Variants in DAG1 observed in about 807,000 individuals in gnomAD.
DAG1 encodes dystroglycan 1 (dystrophin-associated glycoprotein 1).
Under a neutral mutation model 46.1 loss-of-function variants are expected in DAG1, and 8 were observed. The ratio of observed to expected loss-of-function variants is 0.17; its 90% CI spans 0.10 to 0.31. The LOEUF (loss-of-function observed/expected upper bound fraction) is 0.31, where lower values mean the gene tolerates loss of function less well. Among genes scored for constraint, DAG1 ranks in the 10% least tolerant of loss-of-function variants. DAG1 has a pLI of 1.00. For synonymous variants in DAG1, 495 were observed against 481.8 expected (o/e 1.03, Z -0.36); for missense variants, 1,003 against 1,189.9 (o/e 0.84, Z 2.31).
At position 49,472,621 on chromosome 3, in the gene DAG1, C is replaced by T. The variant is rs948612435; in HGVS notation, c.-117+2188C>T. Among the ~76,000 whole-genome samples, 6 of 152,126 alleles carry T rather than the reference C, an allele frequency of 3.9e-5. No homozygotes were observed. The South Asian group carries it at 1.2e-3, about 32-fold the overall frequency. ...AGGAGATCGAGATCATCCTGGCTAA[C>T]ACGGTGAAACCCCCTCTCTACTAAA... is the stretch of plus-strand genomic sequence containing the variant. On this transcript the variant is annotated intron_variant, in intron 1 of 2. Transcript: ENST00000308775.
chr3:49,526,884 TATTAAC>T (rs1410451658), intron 2 of DAG1, among the ~76,000 whole-genome samples: 5 of 88,940 alleles, frequency 5.6e-5, no homozygotes, highest in Non-Finnish European at 1.1e-4. Flanking sequence ...TGTTACATAA[TATTAAC>T]ATGTTTTTAA....
At chr3:49,486,718 G>A (rs1377852107) in intron 1 of DAG1, among the ~76,000 whole-genome samples, 3 of 151,766 alleles carry the variant, frequency 2.0e-5, no homozygotes, top group Non-Finnish European at 4.4e-5. Context: ...GGCCAGGCTG[G>A]TCTCGAACTC....
At chr3:49,499,682 G>C (rs1400932462) in intron 1 of DAG1, among the ~76,000 whole-genome samples, 3 of 152,120 alleles carry the variant, frequency 2.0e-5, no homozygotes, top group Non-Finnish European at 4.4e-5. Context: ...CTCCTCATGG[G>C]CATCTCCCCT....
At chr3:49,478,438 T>A (rs9852473) in intron 1 of DAG1, among the ~76,000 whole-genome samples, 88,256 of 118,272 alleles carry the variant, frequency 0.75, 31,891 homozygotes, top group East Asian at 0.99. Flanking sequence ...CTACAAAAAA[T>A]AAAAAAAAAA....
chr3:49,532,672 G>A lies in DAG1; in HGVS notation c.2161G>A (p.Val721Met), dbSNP rs779632206. Residue 721 changes from valine to methionine, a missense_variant, in exon 3 of 3, where the codon GTG (valine) becomes ATG (methionine). Around this residue, in one of 3 missense-constraint regions of DAG1, gnomAD observed 755 missense variants for 854.1 expected, o/e 0.88. Transcript: ENST00000308775. The surrounding 1 kb of genome is among the most constrained non-coding windows in gnomAD (Gnocchi z 5.4). ...TTGTCGGCACCTACAGTTTATCCCTGTGGTACCACCCAGGAGAGTGCCCTC... is the reference window on the plus strand; with the variant it reads ...TTGTCGGCACCTACAGTTTATCCCTATGGTACCACCCAGGAGAGTGCCCTC... ...GSCRHLQFIP[V>M]VPPRRVPSEA... 19 of 1,614,168 alleles carry A rather than the reference G, an allele frequency of 1.2e-5. No individual in the cohort carries two copies. Among genetic ancestry groups the A allele is most frequent in the Non-Finnish European group, 1.6e-5 (19 of 1,180,036 alleles).
At chr3:49,497,337 T>C (rs528795869) in intron 1 of DAG1, among the ~76,000 whole-genome samples, 1 of 150,642 alleles carries the variant, frequency 6.6e-6, no homozygotes, top group Admixed American at 6.7e-5. Context: ...CTGGAGAGGT[T>C]GAGGCGAGAG....
rs201202889 is a variant in DAG1, at chr3:49,478,802, C to CTTTTTTTTTTTTTT, written c.-117+8384_-117+8397dup. On this transcript the variant is annotated intron_variant, in intron 1 of 2. Transcript: ENST00000308775. ...TGAAAAGTCTCTTGTCGTCCCCTCC[C>CTTTTTTTTTTTTTT]TTTTTTTTTTTTTTTTTTTTTTTTT... Among the ~76,000 whole-genome samples, 43 of 76,010 alleles carry CTTTTTTTTTTTTTT rather than the reference C, an allele frequency of 5.7e-4. 3 individuals carry two copies. The highest frequency in any genetic ancestry group is 9.5e-4 in the South Asian group (2 of 2,096). The allele number at this position is 76,010 out of a possible 152,430, so 49.9% of individuals were successfully genotyped here.
At position 49,532,936 on chromosome 3, in the gene DAG1, C is replaced by T; in HGVS notation, c.2425C>T (p.Pro809Ser). The T allele has an allele frequency of 6.2e-7, 1 of 1,614,082 alleles. No individual in the cohort carries two copies. The highest frequency in any genetic ancestry group is 2.2e-5 in the East Asian group (1 of 44,870). ...IFADELDDSKPPPSSSMPLIL... is the reference protein window; with the variant it reads ...IFADELDDSKSPPSSSMPLIL... ...TGCAGACGAACTGGACGACTCCAAG[C>T]CCCCACCCTCCTCCAGCATGCCACT... The change falls in exon 3 of 3, where the codon CCC becomes TCC. Residue 809 changes from proline to serine, a missense_variant. Pro to Ser is a moderately conservative substitution (Grantham distance 74). This residue lies in a region of DAG1 where 755 missense variants were observed against 854.1 expected (regional missense o/e 0.88). Transcript: ENST00000308775. This position sits in a 1 kb window ranked among gnomAD's most constrained non-coding sequence, Gnocchi z 5.4.
chr3:49,528,750 G>C (rs1433753317), intron 2 of DAG1, among the ~76,000 whole-genome samples: 1 of 152,070 alleles, frequency 6.6e-6, no homozygotes, highest in African/African-American at 2.4e-5. Context: ...ACATCTTAGA[G>C]TTGATGCAAT....
intron 1 of DAG1, chr3:49,488,777 T>G (rs768736034): frequency 6.6e-6 from 1 of 152,112 alleles, no homozygotes; most frequent in Non-Finnish European, 1.5e-5. Context: ...TAATTTTTTA[T>G]ATTTTTAATA....
At chr3:49,500,285 C>T (rs1364373273) in intron 1 of DAG1, among the ~76,000 whole-genome samples, 1 of 152,168 alleles carries the variant, frequency 6.6e-6, no homozygotes, top group African/African-American at 2.4e-5. Flanking sequence ...GCTGGTATTA[C>T]AGGCGTGAGC....
intron 1 of DAG1, among the ~76,000 whole-genome samples, chr3:49,497,006 G>T (rs113176147): frequency 0.061 from 9,141 of 151,018 alleles, 393 homozygotes; most frequent in Non-Finnish European, 0.089. Context: ...CATTAAAAAT[G>T]TTTTTTTTAG....
intron 1 of DAG1, among the ~76,000 whole-genome samples, chr3:49,508,699 A>G (rs1481258245): frequency 6.6e-6 from 1 of 150,652 alleles, no homozygotes; most frequent in Non-Finnish European, 1.5e-5. Context: ...CATGCCTGGC[A>G]TGTATTTTTA....
At chr3:49,524,530 C>T (rs1408618427) in intron 2 of DAG1, among the ~76,000 whole-genome samples, 1 of 151,812 alleles carries the variant, frequency 6.6e-6, no homozygotes, top group African/African-American at 2.4e-5. Flanking sequence ...AAATATTGGC[C>T]AGGCCTGGTT....
chr3:49,520,345 CCTG>C (rs568811756), intron 2 of DAG1, among the ~76,000 whole-genome samples: 11 of 152,240 alleles, frequency 7.2e-5, no homozygotes, highest in Admixed American at 3.9e-4. Context: ...GGGTCCATCT[CCTG>C]CTTCCCTGAG....
At chr3:49,495,731 C>G (rs2050293639) in intron 1 of DAG1, among the ~76,000 whole-genome samples, 1 of 152,012 alleles carries the variant, frequency 6.6e-6, no homozygotes, top group African/African-American at 2.4e-5. Flanking sequence ...ACCAGCCTGG[C>G]CAATACGGTG....
At chr3:49,514,700 G>A (rs1475930736) in intron 2 of DAG1, among the ~76,000 whole-genome samples, 5 of 151,052 alleles carry the variant, frequency 3.3e-5, no homozygotes. Context: ...GTACAATGGC[G>A]TGATCTTGGC....
At chr3:49,509,985 T>C (rs1253824740) in intron 1 of DAG1, among the ~76,000 whole-genome samples, 1 of 152,210 alleles carries the variant, frequency 6.6e-6, no homozygotes, top group Admixed American at 6.5e-5. Flanking sequence ...CACCCTAGTC[T>C]CCCAAGATGC....
At chr3:49,469,378 C>G (rs1024865358), upstream of DAG1, among the ~76,000 whole-genome samples, 8 of 152,182 alleles carry the variant, frequency 5.3e-5, no homozygotes, top group Admixed American at 1.3e-4. Flanking sequence ...AAGTCTGGGG[C>G]TTTTGGGGTG....
Sources: gnomAD v4.1 joint callset for allele counts (sites outside exome capture counted in the v4.1 genomes callset) on GRCh38, gnomAD v4.1.1 for gene constraint, gnomAD v4.1.1 regional missense constraint, Gnocchi (gnomAD v3.1) non-coding constraint, MANE v1.5 for transcripts, NCBI Gene and HGNC (gene_info 2026-07-23, HGNC 2026-07-21) for gene names.